Variants in EPB41L2 observed in about 807,000 individuals in gnomAD.
The protein encoded by EPB41L2 is erythrocyte membrane protein band 4.1 like 2.
A neutral mutation model predicts 113.0 loss-of-function variants in EPB41L2; 43 were observed. The observed-to-expected ratio is 0.38, with a 90% CI of 0.30 to 0.49. The LOEUF (loss-of-function observed/expected upper bound fraction) is 0.49, where lower values mean the gene tolerates loss of function less well. EPB41L2 is among the 20% of genes least tolerant of loss of function. The probability of loss-of-function intolerance (pLI) is 0.95; values close to 1 mark genes in which losing one functional copy is unlikely to be tolerated. For missense variants in EPB41L2, 1,147 were observed against 1,223.4 expected (o/e 0.94, Z 0.93); for synonymous variants, 442 against 436.7 (o/e 1.01, Z -0.15).
intron 1 of EPB41L2, among the ~76,000 whole-genome samples, chr6:131,048,624 G>A (rs1795947725): frequency 6.6e-6 from 1 of 152,180 alleles, no homozygotes; most frequent in Admixed American, 6.5e-5. Flanking sequence ...ATAAAGATGA[G>A]AGTGGGTCAG....
intron 14 of EPB41L2, among the ~76,000 whole-genome samples, chr6:130,877,190 G>A (rs117670566): frequency 0.016 from 2,452 of 152,202 alleles, 60 homozygotes; most frequent in Admixed American, 0.069. Context: ...TTAAGGAAAG[G>A]TGAATAAAAA....
intron 1 of EPB41L2, among the ~76,000 whole-genome samples, chr6:130,993,205 G>T (rs1398225104): frequency 1.3e-5 from 2 of 151,872 alleles, no homozygotes; most frequent in South Asian, 4.2e-4. Context: ...CCCCAAAAAG[G>T]TATATATACC....
At chr6:131,009,130 A>G (rs1340670030) in intron 1 of EPB41L2, among the ~76,000 whole-genome samples, 1 of 152,104 alleles carries the variant, frequency 6.6e-6, no homozygotes, top group Non-Finnish European at 1.5e-5. Flanking sequence ...AATAATCCCT[A>G]TGTGTCAAGG....
intron 14 of EPB41L2, among the ~76,000 whole-genome samples, chr6:130,873,486 C>T (rs1280688968): frequency 2.9e-5 from 4 of 135,798 alleles, no homozygotes; most frequent in Middle Eastern, 4.0e-3. Flanking sequence ...TTTTTTGAGA[C>T]GGAGTCTCGC....
intron 1 of EPB41L2, among the ~76,000 whole-genome samples, chr6:130,997,127 A>G (rs374202954): frequency 6.6e-5 from 10 of 152,188 alleles, no homozygotes; most frequent in African/African-American, 2.4e-4. Flanking sequence ...GCTTTCAGAC[A>G]CTGTTACATT....
intron 1 of EPB41L2, among the ~76,000 whole-genome samples, chr6:131,048,811 A>C (rs1305801514): frequency 2.0e-5 from 3 of 152,222 alleles, no homozygotes; most frequent in Non-Finnish European, 2.9e-5. Context: ...TGATAATGGT[A>C]CATTCTTTCT....
chr6:130,968,917 G>C (rs527390303), intron 1 of EPB41L2, among the ~76,000 whole-genome samples: 7 of 152,106 alleles, frequency 4.6e-5, no homozygotes, highest in African/African-American at 1.7e-4. Context: ...AAAGTGATTT[G>C]GTAGAGAATC....
chr6:130,859,150 C>T lies in EPB41L2; in HGVS notation c.2911-907G>A, dbSNP rs79050750. ...CCTATTTTTCAGAGGAGGAAAATAG[C>T]TTTCCTAATTATTACTCATTTTGTT... On this transcript the variant is annotated intron_variant, in intron 18 of 19. Transcript: ENST00000337057. Among the ~76,000 whole-genome samples the T allele has an allele frequency of 8.4e-4, 128 of 152,320 alleles. 1 individual carries two copies. In the East Asian group the frequency reaches 0.02, roughly 24 times the overall value.
chr6:130,924,107 A>G (rs1231150247), intron 4 of EPB41L2, among the ~76,000 whole-genome samples: 1 of 152,184 alleles, frequency 6.6e-6, no homozygotes, highest in Non-Finnish European at 1.5e-5. Flanking sequence ...TAACTCACTT[A>G]ACATGGTGTC....
rs372938246 is a variant in EPB41L2, at chr6:131,023,965, A to G, written c.-15+39190T>C. 7.9e-5 allele frequency among the ~76,000 whole-genome samples: 12 copies of G among 152,108 alleles called. No individual in the cohort carries two copies. In the East Asian group the frequency reaches 2.3e-3, roughly 29 times the overall value. On this transcript the variant is annotated intron_variant, in intron 1 of 19. Transcript: ENST00000337057. ...GATCTGTGTATTGGATACTCCCCCT[A>G]TGACTCAGGCATTAGGCTGAACACT...
chr6:130,938,622 C>T (rs1448991653), intron 3 of EPB41L2, among the ~76,000 whole-genome samples: 1 of 152,136 alleles, frequency 6.6e-6, no homozygotes, highest in East Asian at 1.9e-4. Flanking sequence ...TGGTAGTGTG[C>T]CCACCTGATC....
At chr6:130,960,978 G>A (rs1237030968) in intron 1 of EPB41L2, among the ~76,000 whole-genome samples, 10 of 152,092 alleles carry the variant, frequency 6.6e-5, no homozygotes, top group Admixed American at 6.6e-4. Flanking sequence ...TACTAAATGA[G>A]TATTGTTCAA....
At chr6:130,843,085 C>T (rs1211155609) in intron 19 of EPB41L2, among the ~76,000 whole-genome samples, 1 of 152,194 alleles carries the variant, frequency 6.6e-6, no homozygotes, top group African/African-American at 2.4e-5. Context: ...CAAGAAGTAA[C>T]TTATTGTACG....
At position 130,926,692 on chromosome 6, in the gene EPB41L2, T is replaced by C; in HGVS notation, c.723A>G (p.Gln241=). The change falls in exon 4 of 20, where the codon CAA becomes CAG. Residue 241 remains glutamine (Q), a synonymous_variant. Coordinates refer to ENST00000337057, the MANE Select transcript of EPB41L2 (RefSeq NM_001431.4). ...GTTCACACACTTTGTCAAATAACACTTGTCCCTTGGCATGTTTCTGGAGAA... is the reference window on the plus strand; with the variant it reads ...GTTCACACACTTTGTCAAATAACACCTGTCCCTTGGCATGTTTCTGGAGAA... The part of the protein sequence containing the change: ...SCDLEKHAKG[Q]VLFDKVCEHL... The C allele has an allele frequency of 6.2e-7, 1 of 1,603,676 alleles. No homozygotes were observed. The highest frequency in any genetic ancestry group is 8.5e-7 in the Non-Finnish European group (1 of 1,177,368).
chr6:131,023,741 A>G (rs137874684), intron 1 of EPB41L2, among the ~76,000 whole-genome samples: 1,285 of 104,006 alleles, frequency 0.012, 19 homozygotes, highest in South Asian at 0.036. Flanking sequence ...ATATATATCT[A>G]TATATCTATA....
At chr6:130,861,197 C>G (rs1781904071) in intron 18 of EPB41L2, among the ~76,000 whole-genome samples, 1 of 151,932 alleles carries the variant, frequency 6.6e-6, no homozygotes. Context: ...CTCAGCCTCC[C>G]AAGTAGCTGC....
chr6:130,963,697 A>C lies in EPB41L2; in HGVS notation c.-14-7198T>G, dbSNP rs190207210. Among the ~76,000 whole-genome samples the C allele has an allele frequency of 1.3e-4, 20 of 152,354 alleles. No homozygotes were observed. The East Asian group carries it at 3.9e-3, about 29-fold the overall frequency. On this transcript the variant is annotated intron_variant, in intron 1 of 19. Coordinates refer to ENST00000337057, the MANE Select transcript of EPB41L2 (RefSeq NM_001431.4). ...AGCATTCTCCACCAGCAACTAAGGC[A>C]ATCTTGGAAATAGATACGATTTCCT...
chr6:130,954,940 A>G (rs1816896153), intron 3 of EPB41L2, among the ~76,000 whole-genome samples, 165 bp downstream of exon 3: 1 of 152,238 alleles, frequency 6.6e-6, no homozygotes, highest in Non-Finnish European at 1.5e-5. Context: ...TCCCAAGGTC[A>G]TGAAATATTT....
intron 1 of EPB41L2, among the ~76,000 whole-genome samples, chr6:130,988,948 G>T (rs1414234870): frequency 2.0e-5 from 3 of 152,108 alleles, no homozygotes; most frequent in Non-Finnish European, 4.4e-5. Flanking sequence ...AATAAGCTGG[G>T]CATGGTGGTG....
Sources: allele counts gnomAD v4.1 joint callset (sites outside exome capture counted in the v4.1 genomes callset), GRCh38; gene constraint gnomAD v4.1.1; transcripts MANE v1.5; gene names NCBI Gene and HGNC (gene_info 2026-07-23, HGNC 2026-07-21).